The following DLG2 variants were observed in gnomAD, a reference collection of about 807,000 sequenced individuals.
DLG2 encodes the protein disks large homolog 2.
DLG2 carries 45 observed loss-of-function variants against 132.5 expected under a neutral mutation model. That is an observed-to-expected ratio of 0.34 (90% CI 0.27 to 0.44). The LOEUF (loss-of-function observed/expected upper bound fraction) is 0.44, where lower values mean the gene tolerates loss of function less well. Among genes scored for constraint, DLG2 ranks in the 20% least tolerant of loss-of-function variants. DLG2 has a pLI of 1.00. For synonymous variants in DLG2, 424 were observed against 419.6 expected, an observed-to-expected ratio of 1.01 and a Z score of -0.13; for missense variants, 1,045 against 1,196.9, an observed-to-expected ratio of 0.87 and a Z score of 1.87.
At chr11:84,013,798 T>C (rs1040317691) in intron 11 of DLG2, among the ~76,000 whole-genome samples, 8 of 137,762 alleles carry the variant, frequency 5.8e-5, no homozygotes, top group African/African-American at 1.7e-4. Context: ...ACCAGGGAGA[T>C]AGAGGTTGCA....
intron 10 of DLG2, among the ~76,000 whole-genome samples, chr11:84,077,472 G>A (rs1254374817): frequency 6.6e-6 from 1 of 151,998 alleles, no homozygotes; most frequent in African/African-American, 2.4e-5. Context: ...TGACCATGCT[G>A]GCCATTCCTT....
intron 7 of DLG2, among the ~76,000 whole-genome samples, chr11:84,369,545 G>A (rs1463994917): frequency 5.3e-5 from 8 of 151,976 alleles, no homozygotes; most frequent in Admixed American, 2.0e-4. Context: ...GAGATGGGGC[G>A]GGCAGACATA....
At chr11:84,577,491 A>T (rs2099504192) in intron 6 of DLG2, among the ~76,000 whole-genome samples, 1 of 152,144 alleles carries the variant, frequency 6.6e-6, no homozygotes, top group South Asian at 2.1e-4. Flanking sequence ...ACCTGTTTGG[A>T]ACTGGAGTAA....
chr11:84,502,184 C>T (rs2099210018), intron 7 of DLG2, among the ~76,000 whole-genome samples: 1 of 19,702 alleles, frequency 5.1e-5, no homozygotes, highest in Middle Eastern at 0.02. Flanking sequence ...CTTTCTCTCT[C>T]TTTCTCTCTC....
intron 7 of DLG2, among the ~76,000 whole-genome samples, chr11:84,534,181 A>G (rs2099349999): frequency 6.6e-6 from 1 of 152,324 alleles, no homozygotes; most frequent in African/African-American, 2.4e-5. Flanking sequence ...CAGTAAAGCA[A>G]TCATTAGATG....
chr11:84,827,696 A>AAAAAAAAAAAAAT, intron 6 of DLG2, among the ~76,000 whole-genome samples: 1 of 149,770 alleles, frequency 6.7e-6, no homozygotes, highest in Non-Finnish European at 1.5e-5. Context: ...AAAAAAAAAA[A>AAAAAAAAAAAAAT]AAGCCCAGGT....
At chr11:83,990,060 A>G (rs1174104943) in intron 11 of DLG2, among the ~76,000 whole-genome samples, 1 of 152,152 alleles carries the variant, frequency 6.6e-6, no homozygotes, top group African/African-American at 2.4e-5. Context: ...CCTACTGTGG[A>G]ATGTTGGGCT....
intron 6 of DLG2, among the ~76,000 whole-genome samples, chr11:84,593,707 T>C (rs574504639): frequency 6.6e-6 from 1 of 152,276 alleles, no homozygotes; most frequent in East Asian, 1.9e-4. Flanking sequence ...GACGACGGGT[T>C]GATGGCTGCA....
intron 6 of DLG2, among the ~76,000 whole-genome samples, chr11:84,823,231 C>A (rs1305917295): frequency 1.3e-5 from 2 of 151,658 alleles, no homozygotes; most frequent in African/African-American, 4.8e-5. Flanking sequence ...TTTTAGAAAT[C>A]TACTAAAGAA....
intron 6 of DLG2, among the ~76,000 whole-genome samples, chr11:84,759,493 AC>A (rs544454710): frequency 1.3e-5 from 2 of 152,200 alleles, no homozygotes; most frequent in South Asian, 4.1e-4. Context: ...GCACAGCTAT[AC>A]TTCATTGTGA....
chr11:84,166,010 T>A (rs1040879648), intron 8 of DLG2, among the ~76,000 whole-genome samples: 1 of 152,166 alleles, frequency 6.6e-6, no homozygotes, highest in Non-Finnish European at 1.5e-5. Context: ...GAGGCATCAT[T>A]TCAACCTTTT....
At chr11:85,600,991 A>T (rs2080115360) in intron 2 of DLG2, among the ~76,000 whole-genome samples, 1 of 152,222 alleles carries the variant, frequency 6.6e-6, no homozygotes, top group South Asian at 2.1e-4. Context: ...TACCAACATG[A>T]TGTCTCTGAA....
intron 14 of DLG2, among the ~76,000 whole-genome samples, chr11:83,961,291 C>T (rs1240015417): frequency 6.6e-6 from 1 of 152,044 alleles, no homozygotes; most frequent in Non-Finnish European, 1.5e-5. Flanking sequence ...TAGGTTTCAA[C>T]TATGGTCTAG....
chr11:85,320,830 G>C (rs2081012777), intron 3 of DLG2, among the ~76,000 whole-genome samples: 1 of 151,814 alleles, frequency 6.6e-6, no homozygotes, highest in African/African-American at 2.4e-5. Flanking sequence ...GACTGGAGCA[G>C]AGTGAATGAA....
At chr11:83,733,315 G>A (rs570103529) in intron 18 of DLG2, among the ~76,000 whole-genome samples, 2 of 148,964 alleles carry the variant, frequency 1.3e-5, no homozygotes, top group East Asian at 4.0e-4. Context: ...CCTGGTAAAT[G>A]AGGAGCTCTG....
intron 3 of DLG2, among the ~76,000 whole-genome samples, chr11:85,517,461 G>T (rs1384644963): frequency 6.6e-6 from 1 of 151,968 alleles, no homozygotes; most frequent in African/African-American, 2.4e-5. Context: ...GAAATAAACA[G>T]CATCCAAATT....
At chr11:83,534,359 G>T (rs527409351) in intron 20 of DLG2, among the ~76,000 whole-genome samples, 34 of 152,216 alleles carry the variant, frequency 2.2e-4, no homozygotes. Flanking sequence ...TTTAAATATT[G>T]CTAGCTTTAA....
chr11:84,532,123 T>TC (rs1411461942), intron 7 of DLG2, among the ~76,000 whole-genome samples: 2 of 146,714 alleles, frequency 1.4e-5, no homozygotes, highest in Non-Finnish European at 3.0e-5. Flanking sequence ...GTTCATTTTT[T>TC]TTTTTTTTTT....
chr11:83,986,827 T>C (rs911074008), intron 11 of DLG2, among the ~76,000 whole-genome samples: 1 of 152,216 alleles, frequency 6.6e-6, no homozygotes, highest in Non-Finnish European at 1.5e-5. Flanking sequence ...TGAGCATTTT[T>C]TCATGTGTTT....
Sources: gnomAD v4.1 joint callset for allele counts (sites outside exome capture counted in the v4.1 genomes callset) on GRCh38, gnomAD v4.1.1 for gene constraint, MANE v1.5 for transcripts, NCBI Gene and HGNC (gene_info 2026-07-23, HGNC 2026-07-21) for gene names.